Variants in C5 observed in about 807,000 individuals in gnomAD.
The protein encoded by C5 is C3 and PZP-like alpha-2-macroglobulin domain-containing protein 4.
In C5, 140 loss-of-function variants were observed where a neutral mutation model predicts 218.8. That is an observed-to-expected ratio of 0.64 (90% CI 0.56 to 0.74). C5 has a LOEUF of 0.74. C5 is among the 30% of genes least tolerant of loss of function. The probability of loss-of-function intolerance (pLI) is 0.00; values close to 1 mark genes in which losing one functional copy is unlikely to be tolerated. For synonymous variants in C5, 614 were observed against 682.3 expected (o/e 0.90, Z 1.56); for missense variants, 1,700 against 1,969.6 (o/e 0.86, Z 2.59).
Position 120,957,372 on chromosome 9 carries a change from G to T in C5, c.4679-4C>A. On this transcript the variant is annotated splice_region_variant and splice_polypyrimidine_tract_variant and intron_variant, in intron 38 of 40. Transcript: ENST00000223642. ...GATGTGATGCTAACTTTATAAGCTG[G>T]CAAAAGACAAACAACAATGAAACAA... is the stretch of plus-strand genomic sequence containing the variant. 1 of 1,608,782 alleles carries T rather than the reference G, an allele frequency of 6.2e-7. No homozygotes were observed. The highest frequency in any genetic ancestry group is 8.5e-7 in the Non-Finnish European group (1 of 1,175,790).
chr9:121,072,862 C>T, the C5 span, among the ~76,000 whole-genome samples: 20 of 150,048 alleles, frequency 1.3e-4, no homozygotes, highest in South Asian at 4.3e-3. Context: ...GTAATCTCCT[C>T]TTAAGTGGAG....
At chr9:121,009,100 A>G (rs565654434) in intron 17 of C5, among the ~76,000 whole-genome samples, 5 of 152,288 alleles carry the variant, frequency 3.3e-5, no homozygotes, top group African/African-American at 9.6e-5. Flanking sequence ...AGTTATTTGC[A>G]CTTATATATA....
chr9:121,057,663 C>T, the C5 span, among the ~76,000 whole-genome samples: 7 of 151,878 alleles, frequency 4.6e-5, no homozygotes, highest in African/African-American at 1.2e-4. Flanking sequence ...TTAAAACATA[C>T]TACTAGAGAA....
intron 4 of C5, among the ~76,000 whole-genome samples, chr9:121,035,375 C>T (rs1232491550): frequency 1.3e-5 from 2 of 152,096 alleles, no homozygotes; most frequent in Admixed American, 6.5e-5. Flanking sequence ...GGGCATTTTT[C>T]AGCTTGGTAA....
At chr9:121,054,948 C>T (rs1162825896), upstream of C5, among the ~76,000 whole-genome samples, 3 of 152,014 alleles carry the variant, frequency 2.0e-5, no homozygotes, top group East Asian at 1.9e-4. Flanking sequence ...GATTCATCAA[C>T]GTAACAAGAA....
the C5 span, among the ~76,000 whole-genome samples, chr9:121,071,751 T>C: frequency 2.6e-5 from 4 of 152,262 alleles, no homozygotes; most frequent in East Asian, 7.7e-4. Context: ...AAAGTTGCCA[T>C]CCCTGTCTGA....
chr9:120,973,922 G>A (rs1486127644), intron 30 of C5, among the ~76,000 whole-genome samples: 4 of 151,736 alleles, frequency 2.6e-5, no homozygotes, highest in Non-Finnish European at 5.9e-5. Flanking sequence ...GCAGTGAGCC[G>A]AGGTTGCGCC....
rs746765096 is a variant in C5 at position 120,952,714 on chromosome 9, T to C, written c.*25A>G. On this transcript the variant is annotated 3_prime_UTR_variant, in exon 41 of 41. Coordinates refer to ENST00000223642, the MANE Select transcript of C5 (RefSeq NM_001735.3). ...ACAACAGGAGTCCATAAGTGCAAAC[T>C]GTATGCAGCTGAACTTCAGGAATTT... 6.2e-7 allele frequency: 1 copy of C among 1,610,268 alleles called. No homozygotes were observed. The highest frequency in any genetic ancestry group is 8.5e-7 in the Non-Finnish European group (1 of 1,178,460).
At chr9:121,062,772 G>A in the C5 span, among the ~76,000 whole-genome samples, 1 of 152,122 alleles carries the variant, frequency 6.6e-6, no homozygotes, top group African/African-American at 2.4e-5. Context: ...TTTTCTTTCA[G>A]CACTTTGAAT....
intron 25 of C5, among the ~76,000 whole-genome samples, chr9:120,987,665 G>T (rs1478524899): frequency 6.8e-6 from 1 of 147,862 alleles, no homozygotes; most frequent in African/African-American, 2.4e-5. Flanking sequence ...AAAGAAAAAA[G>T]AAAAAAATCT....
chr9:121,038,555 C>T lies in C5; in HGVS notation c.422-604G>A, dbSNP rs574174353. ...GGCAGGGGCTCAATAACTGTTAGTT[C>T]TCTTCCATTTCTTTCTGTCAGTTAA... On this transcript the variant is annotated intron_variant, in intron 3 of 40. Coordinates refer to ENST00000223642, the MANE Select transcript of C5 (RefSeq NM_001735.3). Among the ~76,000 whole-genome samples the T allele has an allele frequency of 3.3e-5, 5 of 152,308 alleles. No homozygotes were observed. The East Asian group carries it at 9.6e-4, about 29-fold the overall frequency.
intron 3 of C5, among the ~76,000 whole-genome samples, chr9:121,038,279 T>G (rs980875394): frequency 6.6e-6 from 1 of 152,208 alleles, no homozygotes; most frequent in African/African-American, 2.4e-5. Flanking sequence ...AGGCCATTAT[T>G]TATTAAGAAT....
chr9:120,963,765 A>G, intron 33 of C5, 27 bp from the exon 34 acceptor site: 1 of 1,521,670 alleles, frequency 6.6e-7, no homozygotes, highest in Non-Finnish European at 9.1e-7. Context: ...GTTAGAAAAT[A>G]TAATAAATAA....
chr9:121,024,993 T>C (rs2047407340), intron 9 of C5, among the ~76,000 whole-genome samples: 1 of 152,200 alleles, frequency 6.6e-6, no homozygotes, highest in Non-Finnish European at 1.5e-5. Flanking sequence ...AACTTTAGGC[T>C]TTAGGAAACA....
In C5 at chr9:120,996,130, C is replaced by T. The variant is rs562162892; in HGVS notation, c.2851+110G>A. On this transcript the variant is annotated intron_variant, in intron 22 of 40. Coordinates refer to ENST00000223642, the MANE Select transcript of C5 (RefSeq NM_001735.3). Reference sequence around the variant, plus strand: ...CACTGTGCCTGGCCAGAAGTGGATACTACTGATTTTAGACAATTCACTTTC... The same window carrying T: ...CACTGTGCCTGGCCAGAAGTGGATATTACTGATTTTAGACAATTCACTTTC... The T allele has an allele frequency of 2.0e-3, 1,786 of 894,336 alleles. 3 individuals are homozygous for T. Among genetic ancestry groups the T allele is most frequent in the Non-Finnish European group, 2.8e-3 (1,458 of 529,700 alleles). The allele number at this position is 894,336 out of a possible 1,614,324, so 55.4% of individuals were successfully genotyped here. A position where few individuals can be genotyped will look rare whatever the true frequency, so the allele number is the denominator to read the frequency against.
Position 121,045,212 on chromosome 9 carries a change from A to G in C5, c.258+979T>C, listed in dbSNP as rs2300933. ...CTGCTAAGAACATTAAAGAATTCCT[A>G]TGTTTGACTAGAAATTTTTTAGATT... On this transcript the variant is annotated intron_variant, in intron 2 of 40. Coordinates refer to ENST00000223642, the MANE Select transcript of C5 (RefSeq NM_001735.3). 5.8e-3 allele frequency among the ~76,000 whole-genome samples: 888 copies of G among 152,240 alleles called. 22 individuals are homozygous for G. The East Asian group carries it at 0.093, about 16-fold the overall frequency.
At chr9:121,031,789 G>T (rs1220714442) in intron 6 of C5, among the ~76,000 whole-genome samples, 1 of 152,114 alleles carries the variant, frequency 6.6e-6, no homozygotes, top group Non-Finnish European at 1.5e-5. Flanking sequence ...TAATTGGCTG[G>T]GTGCGGTGGC....
In C5 at chr9:121,016,295, G is replaced by GTT; in HGVS notation, c.1954_1955insAA (p.Thr652LysfsTer33). On this transcript the variant is annotated frameshift_variant, in exon 15 of 41. Transcript: ENST00000223642. LOFTEE classifies it high-confidence loss of function. ...ATCTGCATTTGCATTAGTGAGGAAG[G>GTT]TAAGTCCAGCTAGGTGGAACACATT... 1 of 1,614,038 alleles carries GTT rather than the reference G, an allele frequency of 6.2e-7. No individual in the cohort carries two copies. The highest frequency in any genetic ancestry group is 8.5e-7 in the Non-Finnish European group (1 of 1,179,930).
the C5 span, among the ~76,000 whole-genome samples, chr9:121,064,418 G>T: frequency 2.8e-4 from 43 of 152,172 alleles, no homozygotes; most frequent in Non-Finnish European, 6.2e-4. Flanking sequence ...TATTGAAACT[G>T]TTAACAAAAA....
Sources: gnomAD v4.1 joint callset for allele counts (sites outside exome capture counted in the v4.1 genomes callset) on GRCh38, gnomAD v4.1.1 for gene constraint, MANE v1.5 for transcripts, NCBI Gene and HGNC (gene_info 2026-07-23, HGNC 2026-07-21) for gene names.